OLA1: variants seen among roughly 807,000 people sequenced by gnomAD.
The protein encoded by OLA1 is Obg like ATPase 1, also known as obg-like ATPase 1.
OLA1 carries 14 observed loss-of-function variants against 48.4 expected under a neutral mutation model. That is an observed-to-expected ratio of 0.29 (90% CI 0.19 to 0.45). The LOEUF is 0.45. Ranked by LOEUF, OLA1 falls within the 20% of genes least tolerant of loss-of-function variation. The pLI, the probability that OLA1 is intolerant of heterozygous loss-of-function variation, is 1.00. For synonymous variants in OLA1, 127 were observed against 150.4 expected, an observed-to-expected ratio of 0.84 and a Z score of 1.14; for missense variants, 325 against 467.1, an observed-to-expected ratio of 0.70 and a Z score of 2.80.
chr2:174,155,992 GC>G (rs35387892), intron 4 of OLA1, among the ~76,000 whole-genome samples: 1 of 152,158 alleles, frequency 6.6e-6, no homozygotes, highest in South Asian at 2.1e-4. Context: ...ATTTCTCTAT[GC>G]CTTAGTTTCC....
At chr2:174,211,906 C>T (rs538693255) in intron 4 of OLA1, among the ~76,000 whole-genome samples, 1 of 152,150 alleles carries the variant, frequency 6.6e-6, no homozygotes, top group African/African-American at 2.4e-5. Context: ...TTCTTTTTAA[C>T]TTTTTTAATG....
At chr2:174,165,204 G>A (rs1390298256) in intron 4 of OLA1, among the ~76,000 whole-genome samples, 1 of 152,048 alleles carries the variant, frequency 6.6e-6, no homozygotes, top group Non-Finnish European at 1.5e-5. Context: ...CATATATTAC[G>A]CTTCCTACCT....
At chr2:174,180,418 T>C (rs1296139121) in intron 4 of OLA1, among the ~76,000 whole-genome samples, 1 of 152,140 alleles carries the variant, frequency 6.6e-6, no homozygotes, top group African/African-American at 2.4e-5. Flanking sequence ...TGAGTACAAA[T>C]TTGTTGTATG....
chr2:174,158,955 GT>G (rs1686951268), intron 4 of OLA1, among the ~76,000 whole-genome samples: 1 of 152,132 alleles, frequency 6.6e-6, no homozygotes, highest in Admixed American at 6.5e-5. Context: ...CTGCTAATAT[GT>G]TATACCTGTC....
At chr2:174,218,951 G>A (rs1012528804) in intron 4 of OLA1, among the ~76,000 whole-genome samples, 23 of 151,234 alleles carry the variant, frequency 1.5e-4, no homozygotes, top group Admixed American at 1.3e-4. Flanking sequence ...CTCGCAAGTA[G>A]CTGGAACTAC....
chr2:174,193,156 C>T (rs1687811550), intron 4 of OLA1, among the ~76,000 whole-genome samples: 1 of 148,474 alleles, frequency 6.7e-6, no homozygotes, highest in Admixed American at 6.8e-5. Context: ...GTGGCACAAT[C>T]TCAGCTCACT....
Position 174,161,432 on chromosome 2 carries a change from C to T in OLA1, c.374-19432G>A, listed in dbSNP as rs548703117. Among the ~76,000 whole-genome samples the T allele has an allele frequency of 2.6e-4, 40 of 152,140 alleles. 1 individual carries two copies. Among genetic ancestry groups the T allele is most frequent in the African/African-American group, 9.4e-4 (39 of 41,504 alleles). On this transcript the variant is annotated intron_variant, in intron 4 of 10. Transcript: ENST00000284719. ...ATATAAGAACTTTATTTTCATTTAT[C>T]TAAAATCTTATTGCTTGACTAACAG...
intron 4 of OLA1, among the ~76,000 whole-genome samples, chr2:174,144,946 AAAAAAATATAT>A (rs1207569267): frequency 5.2e-5 from 4 of 76,906 alleles, no homozygotes; most frequent in African/African-American, 1.7e-4. Flanking sequence ...AAAAAAAAAA[AAAAAAATATAT>A]ATATATATAT....
intron 4 of OLA1, among the ~76,000 whole-genome samples, chr2:174,204,046 G>A (rs1688052868): frequency 6.6e-6 from 1 of 151,416 alleles, no homozygotes; most frequent in African/African-American, 2.4e-5. Context: ...ACCTGCCTTG[G>A]CCTCCCAAAG....
chr2:174,222,872 T>G (rs902423007), intron 4 of OLA1, among the ~76,000 whole-genome samples, 161 bp downstream of exon 4: 2 of 152,224 alleles, frequency 1.3e-5, no homozygotes, highest in Non-Finnish European at 2.9e-5. Flanking sequence ...ACGGAGATGA[T>G]ACTAAGTAAC....
chr2:174,100,596 CAG>C (rs1321976767), intron 7 of OLA1, among the ~76,000 whole-genome samples: 6 of 152,068 alleles, frequency 3.9e-5, no homozygotes, highest in African/African-American at 1.4e-4. Context: ...TTTTAAGAGA[CAG>C]AGTCTCACTG....
intron 4 of OLA1, among the ~76,000 whole-genome samples, chr2:174,175,500 T>C (rs1687400194): frequency 6.6e-6 from 1 of 151,976 alleles, no homozygotes; most frequent in Non-Finnish European, 1.5e-5. Context: ...TCATCACTAA[T>C]AGGCTGGAAA....
chr2:174,150,278 T>C (rs542517924), intron 4 of OLA1, among the ~76,000 whole-genome samples: 1 of 152,312 alleles, frequency 6.6e-6, no homozygotes, highest in East Asian at 1.9e-4. Context: ...CCATCTCTTA[T>C]GAGCTCCACC....
At chr2:174,227,600 A>C (rs959311478) in intron 3 of OLA1, among the ~76,000 whole-genome samples, 28 of 152,238 alleles carry the variant, frequency 1.8e-4, no homozygotes, top group African/African-American at 6.3e-4. Context: ...AATCATTTAA[A>C]AATAAAAAGG....
intron 4 of OLA1, among the ~76,000 whole-genome samples, chr2:174,216,148 A>G (rs1490318019): frequency 6.6e-6 from 1 of 151,870 alleles, no homozygotes; most frequent in East Asian, 1.9e-4. Context: ...AAACATATAT[A>G]TATAATTAGC....
At chr2:174,149,557 C>A (rs187129068) in intron 4 of OLA1, among the ~76,000 whole-genome samples, 10 of 152,118 alleles carry the variant, frequency 6.6e-5, no homozygotes, top group African/African-American at 2.4e-4. Flanking sequence ...AGTGAATAAA[C>A]GCAAAATGTC....
chr2:174,120,197 A>G (rs1237923857), intron 7 of OLA1, among the ~76,000 whole-genome samples: 1 of 152,274 alleles, frequency 6.6e-6, no homozygotes, highest in East Asian at 1.9e-4. Context: ...CAGAGCAGCA[A>G]GGGTGCAAAG....
At chr2:174,177,978 T>C (rs1393085277) in intron 4 of OLA1, among the ~76,000 whole-genome samples, 1 of 152,066 alleles carries the variant, frequency 6.6e-6, no homozygotes, top group African/African-American at 2.4e-5. Context: ...TTACAAAAAG[T>C]TGTTGACTTT....
rs1032127973 is a variant in OLA1 at position 174,073,662 on chromosome 2, G to A, written c.*1764C>T. ...GAAGCTAGACAAAGTAAAATTGCAT[G>A]ATCCTAATGTCTTTTTACTGATTTC... On this transcript the variant is annotated 3_prime_UTR_variant, in exon 11 of 11. Transcript: ENST00000284719. 1.3e-5 allele frequency: 2 copies of A among 152,312 alleles called. No homozygotes were observed. Among genetic ancestry groups the A allele is most frequent in the East Asian group, 3.9e-4 (2 of 5,182 alleles). 9.4% of individuals were successfully genotyped at this position (152,312 alleles called of 1,614,324 possible).
Sources: gnomAD v4.1 joint callset for allele counts (sites outside exome capture counted in the v4.1 genomes callset) on GRCh38, gnomAD v4.1.1 for gene constraint, MANE v1.5 for transcripts, NCBI Gene and HGNC (gene_info 2026-07-23, HGNC 2026-07-21) for gene names.